JAZF1: variants seen among roughly 807,000 people sequenced by gnomAD.
JAZF1 encodes the protein juxtaposed with another zinc finger protein 1.
JAZF1 carries 8 observed loss-of-function variants against 26.4 expected under a neutral mutation model. The ratio of observed to expected loss-of-function variants is 0.30; its 90% confidence interval spans 0.18 to 0.55. The LOEUF is 0.55. JAZF1 is among the 20% of genes least tolerant of loss of function. JAZF1 has a pLI of 0.94. For missense variants in JAZF1, 199 were observed against 322.0 expected, an observed-to-expected ratio of 0.62 and a Z score of 2.92; for synonymous variants, 126 against 122.3, an observed-to-expected ratio of 1.03 and a Z score of -0.20.
rs144727008 is a variant in JAZF1, at chr7:27,976,912, G to A, written c.188+14997C>T. On this transcript the variant is annotated intron_variant, in intron 2 of 4. Transcript: ENST00000283928. ...GTGAGGTTTTGGAGTGGGAAGAAATGTGGGAAAGAGGAAGAAAGCTTTCAT... is the reference window on the plus strand; with the variant it reads ...GTGAGGTTTTGGAGTGGGAAGAAATATGGGAAAGAGGAAGAAAGCTTTCAT... Among the ~76,000 whole-genome samples the A allele has an allele frequency of 1.3e-4, 20 of 152,332 alleles. No individual in the cohort carries two copies. The East Asian group carries it at 3.9e-3, about 29-fold the overall frequency.
At chr7:27,959,417 C>T (rs968533653) in intron 2 of JAZF1, among the ~76,000 whole-genome samples, 18 of 152,196 alleles carry the variant, frequency 1.2e-4, no homozygotes, top group African/African-American at 4.3e-4. Context: ...ATCATTTGAG[C>T]TATTAGCTTG....
At chr7:28,028,874 C>T (rs1208240170) in intron 1 of JAZF1, among the ~76,000 whole-genome samples, 1 of 152,108 alleles carries the variant, frequency 6.6e-6, no homozygotes, top group African/African-American at 2.4e-5. Context: ...TGATATTATA[C>T]AGTAAAAACT....
chr7:27,954,197 A>G (rs993992533), intron 2 of JAZF1, among the ~76,000 whole-genome samples: 1 of 152,180 alleles, frequency 6.6e-6, no homozygotes, highest in East Asian at 1.9e-4. Flanking sequence ...CATAGCTCCT[A>G]GAGGTAAATA....
chr7:28,110,502 G>A (rs572197156), intron 1 of JAZF1, among the ~76,000 whole-genome samples: 127 of 73,554 alleles, frequency 1.7e-3, no homozygotes, highest in African/African-American at 9.0e-3. Flanking sequence ...GGAAAGGAAA[G>A]GAAAAGGAAA....
chr7:28,006,381 A>G (rs1782700839), intron 1 of JAZF1, among the ~76,000 whole-genome samples: 1 of 151,986 alleles, frequency 6.6e-6, no homozygotes, highest in Non-Finnish European at 1.5e-5. Context: ...AAAAAACAAA[A>G]AACAAAAACC....
chr7:28,120,501 C>CTTTTTTTTTTGTTTTTTTTTTTTTTTTT (rs1782582782), intron 1 of JAZF1, among the ~76,000 whole-genome samples: 1 of 59,004 alleles, frequency 1.7e-5, no homozygotes, highest in Admixed American at 3.3e-4. Context: ...ACACACAGTT[C>CTTTTTTTTTTGTTTTTTTTTTTTTTTTT]TTTTTTTTTT....
chr7:27,889,074 A>G (rs1001403819), intron 3 of JAZF1, among the ~76,000 whole-genome samples: 3 of 152,230 alleles, frequency 2.0e-5, no homozygotes, highest in South Asian at 4.1e-4. Context: ...AGATACTACA[A>G]TGAGATGGGC....
chr7:27,865,686 C>T (rs558585432), intron 3 of JAZF1, among the ~76,000 whole-genome samples: 14 of 152,040 alleles, frequency 9.2e-5, no homozygotes, highest in Non-Finnish European at 2.1e-4. Flanking sequence ...GAGTGCCACC[C>T]ACCAGCCCTC....
chr7:28,008,392 G>T (rs1782740822), intron 1 of JAZF1, among the ~76,000 whole-genome samples: 1 of 151,976 alleles, frequency 6.6e-6, no homozygotes, highest in African/African-American at 2.4e-5. Context: ...ATTAAAAAAA[G>T]AATCCTCCCA....
In JAZF1 at chr7:28,120,290, C is replaced by A. The variant is rs561055573; in HGVS notation, c.115+60173G>T. ...TTTGCACTCCCTAGAACGCCATGATCACTGAACACTACAGCCAAAGGAAAC... is the reference window on the plus strand; with the variant it reads ...TTTGCACTCCCTAGAACGCCATGATAACTGAACACTACAGCCAAAGGAAAC... On this transcript the variant is annotated intron_variant, in intron 1 of 4. Transcript: ENST00000283928. Among the ~76,000 whole-genome samples the A allele has an allele frequency of 2.0e-5, 3 of 151,848 alleles. No individual in the cohort carries two copies. In the South Asian group the frequency reaches 6.2e-4, roughly 32 times the overall value.
At chr7:27,922,220 G>A (rs765325659) in intron 2 of JAZF1, among the ~76,000 whole-genome samples, 1 of 152,194 alleles carries the variant, frequency 6.6e-6, no homozygotes, top group African/African-American at 2.4e-5. Flanking sequence ...GGTACTTTTC[G>A]AACCACATTT....
intron 1 of JAZF1, among the ~76,000 whole-genome samples, chr7:28,058,471 C>A (rs958132724): frequency 2.0e-5 from 3 of 152,062 alleles, no homozygotes; most frequent in Admixed American, 2.0e-4. Context: ...CTGATTCTAC[C>A]CCCCAGTCTC....
chr7:28,152,053 G>A (rs10225433), intron 1 of JAZF1, among the ~76,000 whole-genome samples: 6,870 of 151,926 alleles, frequency 0.045, 226 homozygotes, highest in Non-Finnish European at 0.063. Context: ...ACGTAGTTTC[G>A]TCCTCACATG....
rs375648611 is a variant in JAZF1, at chr7:28,022,008, T to C, written c.116-30027A>G. 2.2e-4 allele frequency among the ~76,000 whole-genome samples: 34 copies of C among 152,212 alleles called. 1 individual carries two copies. In the East Asian group the frequency reaches 4.4e-3, roughly 20 times the overall value. On this transcript the variant is annotated intron_variant, in intron 1 of 4. Coordinates refer to ENST00000283928, the MANE Select transcript of JAZF1 (RefSeq NM_175061.4). ...TGAAGATTAAATGAGAAAATGCAAG[T>C]GAATGGACAAATGACTGGGAAAAGG...
chr7:28,070,560 C>T (rs568172900), intron 1 of JAZF1, among the ~76,000 whole-genome samples: 1 of 152,358 alleles, frequency 6.6e-6, no homozygotes, highest in East Asian at 1.9e-4. Context: ...CACGATCCTG[C>T]CCCATGTCCG....
At chr7:28,158,781 C>A (rs1783232640) in intron 1 of JAZF1, among the ~76,000 whole-genome samples, 1 of 152,168 alleles carries the variant, frequency 6.6e-6, no homozygotes, top group Non-Finnish European at 1.5e-5. Context: ...TAGAAGCAGT[C>A]CTATCTTTGA....
At chr7:27,834,029 A>G (rs1782759259) in intron 4 of JAZF1, among the ~76,000 whole-genome samples, 1 of 152,192 alleles carries the variant, frequency 6.6e-6, no homozygotes, top group African/African-American at 2.4e-5. Context: ...AGATTTTAGG[A>G]GAGTGAGCTG....
At position 28,093,805 on chromosome 7, in the gene JAZF1, C is replaced by A. The variant is rs188757183; in HGVS notation, c.115+86658G>T. Among the ~76,000 whole-genome samples, 219 of 152,314 alleles carry A rather than the reference C, an allele frequency of 1.4e-3. 1 individual carries two copies. Among genetic ancestry groups the A allele is most frequent in the Middle Eastern group, 6.8e-3 (2 of 294 alleles). On this transcript the variant is annotated intron_variant, in intron 1 of 4. Transcript: ENST00000283928. ...CAGATGCTTGTCCACTGTCTCTTTT[C>A]AAATGCTGTAGCGCCCCCCTGTGGC...
intron 1 of JAZF1, among the ~76,000 whole-genome samples, chr7:28,143,604 T>C (rs965271430): frequency 1.3e-5 from 2 of 152,230 alleles, no homozygotes; most frequent in Non-Finnish European, 2.9e-5. Context: ...CTGTTTCTTC[T>C]ACCCTCTAGC....
Sources: gnomAD v4.1 joint callset for allele counts (sites outside exome capture counted in the v4.1 genomes callset) on GRCh38, gnomAD v4.1.1 for gene constraint, MANE v1.5 for transcripts, NCBI Gene and HGNC (gene_info 2026-07-23, HGNC 2026-07-21) for gene names.